IL17RB: variants seen among roughly 807,000 people sequenced by gnomAD.
IL17RB encodes the protein interleukin-17 receptor B.
A neutral mutation model predicts 43.9 loss-of-function variants in IL17RB; 36 were observed. The ratio of observed to expected loss-of-function variants is 0.82; its 90% confidence interval spans 0.63 to 1.08. The LOEUF (loss-of-function observed/expected upper bound fraction) is 1.08. IL17RB is among the 50% of genes least tolerant of loss of function. The pLI, the probability that IL17RB is intolerant of heterozygous loss-of-function variation, is 0.00. For synonymous variants in IL17RB, 225 were observed against 225.4 expected (o/e 1.00, Z 0.02); for missense variants, 613 against 613.6 (o/e 1.00, Z 0.01).
intron 5 of IL17RB, among the ~76,000 whole-genome samples, chr3:53,854,411 G>A (rs982317379): frequency 5.3e-5 from 8 of 152,262 alleles, no homozygotes; most frequent in Admixed American, 5.2e-4. Flanking sequence ...TGTTCCAGTT[G>A]CATTTAGTCC....
chr3:53,851,926 T>A, intron 3 of IL17RB, 73 bp from the exon 4 acceptor site: 2 of 1,480,558 alleles, frequency 1.4e-6, no homozygotes, highest in South Asian at 2.3e-5. Context: ...AGCATGCTAG[T>A]AAAGCATCTA....
At chr3:53,857,966 A>G in intron 8 of IL17RB, 1 of 416,368 alleles carries the variant, frequency 2.4e-6, no homozygotes. Context: ...CAGGGATAGC[A>G]GTACCATTTT....
rs898370289 is a variant in IL17RB at position 53,854,989 on chromosome 3, C to T, written c.482-305C>T. Among the ~76,000 whole-genome samples, 14 of 151,906 alleles carry T rather than the reference C, an allele frequency of 9.2e-5. No homozygotes were observed. The South Asian group carries it at 2.5e-3, about 27-fold the overall frequency. ...AAAATTAGCCGGGCGTGGTGGCGGG[C>T]GCCTGTAGTCCCAGCTACTCAGGAG... is the stretch of plus-strand genomic sequence containing the variant. On this transcript the variant is annotated intron_variant, in intron 5 of 10. Coordinates refer to ENST00000288167, the MANE Select transcript of IL17RB (RefSeq NM_018725.4).
At chr3:53,860,310 C>A in intron 10 of IL17RB, 82 bp downstream of exon 10, 3 of 1,133,832 alleles carry the variant, frequency 2.6e-6, no homozygotes, top group Non-Finnish European at 2.6e-6. Flanking sequence ...CCTCTGGAGG[C>A]AATCACATGT....
intron 5 of IL17RB, among the ~76,000 whole-genome samples, chr3:53,853,289 C>T (rs1699222182): frequency 6.6e-6 from 1 of 152,236 alleles, no homozygotes; most frequent in Admixed American, 6.5e-5. Flanking sequence ...GGGATAGCTG[C>T]ATTTTACAGA....
intron 3 of IL17RB, 63 bp downstream of exon 3, chr3:53,849,858 A>G: frequency 1.4e-6 from 2 of 1,445,608 alleles, no homozygotes; most frequent in Non-Finnish European, 9.3e-7. Context: ...TGTGCAGACT[A>G]TATGAACCAT....
intron 10 of IL17RB, chr3:53,860,480 A>G (rs1466294993): frequency 1.8e-5 from 6 of 335,596 alleles, no homozygotes; most frequent in African/African-American, 2.1e-5. Flanking sequence ...TGAGCCTTCT[A>G]CCAGTACTGA....
chr3:53,848,520 G>A, intron 1 of IL17RB, 144 bp from the exon 2 acceptor site: 1 of 832,180 alleles, frequency 1.2e-6, no homozygotes, highest in Non-Finnish European at 2.1e-6. Flanking sequence ...CCTAAGCTGT[G>A]AAGCAGAACC....
intron 5 of IL17RB, 139 bp from the exon 6 acceptor site, chr3:53,855,155 T>C: frequency 4.5e-6 from 2 of 441,518 alleles, no homozygotes; most frequent in South Asian, 4.4e-5. Context: ...GAGCCCCATT[T>C]GAATTTGCCA....
At chr3:53,854,741 C>T (rs2107013441) in intron 5 of IL17RB, among the ~76,000 whole-genome samples, 1 of 152,284 alleles carries the variant, frequency 6.6e-6, no homozygotes, top group South Asian at 2.1e-4. Context: ...CTAATTCTAC[C>T]CCACCCTGGG....
At position 53,846,659 on chromosome 3, in the gene IL17RB, G is replaced by A. The variant is rs757139908; in HGVS notation, c.60+11G>A. ...GTACCCCGAGAGCCGGTAAGCCCCC[G>A]CCAGCACCTCTTCCCTCATCTCCCG... On this transcript the variant is annotated intron_variant, in intron 1 of 10. Transcript: ENST00000288167. 1.3e-6 allele frequency: 2 copies of A among 1,587,352 alleles called. No individual in the cohort carries two copies. The highest frequency in any genetic ancestry group is 1.7e-6 in the Non-Finnish European group (2 of 1,169,848).
Position 53,856,917 on chromosome 3 carries a change from T to TC in IL17RB, c.607dup (p.Leu203ProfsTer22), listed in dbSNP as rs1266938475. 1 of 1,613,814 alleles carries TC rather than the reference T, an allele frequency of 6.2e-7. No individual in the cohort carries two copies. Among genetic ancestry groups the TC allele is most frequent in the African/African-American group, 1.3e-5 (1 of 74,922 alleles). ...CAGTAGAAGTGAACTTCACAACCAC[T>TC]CCCCTGGGAAACAGATACATGGCTC... On this transcript the variant is annotated frameshift_variant, in exon 7 of 11. Coordinates refer to ENST00000288167, the MANE Select transcript of IL17RB (RefSeq NM_018725.4). LOFTEE classifies it high-confidence loss of function.
intron 5 of IL17RB, among the ~76,000 whole-genome samples, chr3:53,853,492 G>T (rs1287365401): frequency 1.3e-5 from 2 of 152,248 alleles, no homozygotes; most frequent in Admixed American, 6.5e-5. Context: ...AGAATCTACA[G>T]ACTCCAGTTG....
intron 5 of IL17RB, 69 bp downstream of exon 5, chr3:53,853,066 G>A (rs1380053007): frequency 1.9e-6 from 3 of 1,586,302 alleles, no homozygotes; most frequent in Admixed American, 1.7e-5. Flanking sequence ...TGCACAGAGA[G>A]AGCCCAGGGA....
chr3:53,856,839 C>CA lies in IL17RB; in HGVS notation c.530-4dup, dbSNP rs1298787660. 1 of 1,614,078 alleles carries CA rather than the reference C, an allele frequency of 6.2e-7. No homozygotes were observed. The highest frequency in any genetic ancestry group is 8.5e-7 in the Non-Finnish European group (1 of 1,179,976). On this transcript the variant is annotated splice_polypyrimidine_tract_variant and splice_region_variant and intron_variant, in intron 6 of 10. Coordinates refer to ENST00000288167, the MANE Select transcript of IL17RB (RefSeq NM_018725.4). ...TCATCTACATGGTTCTCTCTCAACT[C>CA]ACAGGAAGCCTGTGGGATCCGAACA...
chr3:53,848,831 C>G, intron 2 of IL17RB, 143 bp downstream of exon 2: 2 of 910,520 alleles, frequency 2.2e-6, no homozygotes, highest in African/African-American at 1.6e-5. Flanking sequence ...GATGAAGTCT[C>G]TGTCTGCTCG....
intron 2 of IL17RB, 112 bp from the exon 3 acceptor site, chr3:53,849,543 A>T: frequency 5.0e-6 from 4 of 804,478 alleles, no homozygotes; most frequent in Non-Finnish European, 5.5e-6. Context: ...AAAAAAAAAG[A>T]AGTGAGGAAT....
intron 2 of IL17RB, among the ~76,000 whole-genome samples, chr3:53,849,442 G>A (rs1396752309): frequency 6.6e-6 from 1 of 152,062 alleles, no homozygotes; most frequent in African/African-American, 2.4e-5. Flanking sequence ...TTGGGAGGCT[G>A]AGGTGGGAGG....
rs781163310 is a variant in IL17RB at position 53,849,756 on chromosome 3, T to A, written c.187T>A (p.Ser63Thr). ...AACTAGTGTTGCAACAGGGGACTATTCAATTTTGATGAATGTAAGCTGGGT... is the reference window on the plus strand; with the variant it reads ...AACTAGTGTTGCAACAGGGGACTATACAATTTTGATGAATGTAAGCTGGGT... ...VTTSVATGDYSILMNVSWVLR... is the reference protein window; with the variant it reads ...VTTSVATGDYTILMNVSWVLR... Residue 63 changes from serine (S) to threonine (T), a missense_variant, in exon 3 of 11, where the codon TCA becomes ACA. Physicochemically the swap from Ser to Thr is moderately conservative, Grantham distance 58. Coordinates refer to ENST00000288167, the MANE Select transcript of IL17RB (RefSeq NM_018725.4). 2.9e-5 allele frequency: 46 copies of A among 1,611,624 alleles called. No homozygotes were observed. The highest frequency in any genetic ancestry group is 3.7e-5 in the Non-Finnish European group (44 of 1,178,742).
Sources: gnomAD v4.1 joint callset for allele counts (sites outside exome capture counted in the v4.1 genomes callset) on GRCh38, gnomAD v4.1.1 for gene constraint, MANE v1.5 for transcripts, NCBI Gene and HGNC (gene_info 2026-07-23, HGNC 2026-07-21) for gene names.